MAPK8: variants seen among roughly 807,000 people sequenced by gnomAD.
The protein encoded by MAPK8 is mitogen-activated protein kinase 8.
A neutral mutation model predicts 52.9 loss-of-function variants in MAPK8; 13 were observed. The ratio of observed to expected loss-of-function variants is 0.25; its 90% confidence interval spans 0.16 to 0.39. MAPK8 has a LOEUF of 0.39. Among genes scored for constraint, MAPK8 ranks in the 10% least tolerant of loss-of-function variants. MAPK8 has a pLI of 1.00. For synonymous variants in MAPK8, 191 were observed against 169.8 expected (o/e 1.12, Z -0.97); for missense variants, 300 against 519.2 (o/e 0.58, Z 4.10).
At chr10:48,420,052 C>A in intron 5 of MAPK8, 103 bp from the exon 6 acceptor site, 2 of 847,932 alleles carry the variant, frequency 2.4e-6, no homozygotes, top group Non-Finnish European at 3.6e-6. Context: ...GAAAAACGAA[C>A]AATTAACATG....
At chr10:48,405,148 A>G (rs990971130) in intron 3 of MAPK8, among the ~76,000 whole-genome samples, 167 bp downstream of exon 3, 1 of 150,376 alleles carries the variant, frequency 6.6e-6, no homozygotes, top group Non-Finnish European at 1.5e-5. Context: ...GATTTTCCTC[A>G]ACTTTATTAA....
chr10:48,412,379 T>G (rs1362833599), intron 5 of MAPK8, among the ~76,000 whole-genome samples: 2 of 152,224 alleles, frequency 1.3e-5, no homozygotes, highest in Non-Finnish European at 2.9e-5. Flanking sequence ...ATATGTAGAT[T>G]CATGTCTTTT....
At chr10:48,404,692 G>T (rs1310582709) in intron 2 of MAPK8, among the ~76,000 whole-genome samples, 160 bp from the exon 3 acceptor site, 1 of 152,138 alleles carries the variant, frequency 6.6e-6, no homozygotes, top group Non-Finnish European at 1.5e-5. Context: ...AATATATGTT[G>T]TAATAGATAT....
chr10:48,344,116 A>G (rs1845547246), intron 1 of MAPK8, among the ~76,000 whole-genome samples: 1 of 152,234 alleles, frequency 6.6e-6, no homozygotes, highest in Non-Finnish European at 1.5e-5. Flanking sequence ...GTAAAATAGA[A>G]CAATATCAGA....
chr10:48,358,405 C>T (rs1197861256), intron 1 of MAPK8, among the ~76,000 whole-genome samples: 2 of 152,030 alleles, frequency 1.3e-5, no homozygotes, highest in Non-Finnish European at 2.9e-5. Context: ...TTGTATTTGC[C>T]TCATGGGGTA....
At chr10:48,354,553 G>A (rs1183088252) in intron 1 of MAPK8, among the ~76,000 whole-genome samples, 2 of 152,142 alleles carry the variant, frequency 1.3e-5, no homozygotes, top group Admixed American at 1.3e-4. Context: ...AAAGATTGCT[G>A]GGCAACATCC....
intron 1 of MAPK8, among the ~76,000 whole-genome samples, chr10:48,372,863 C>G (rs1806358941): frequency 6.6e-6 from 1 of 152,064 alleles, no homozygotes; most frequent in Admixed American, 6.6e-5. Flanking sequence ...CAGCAACATT[C>G]AAATTCAGGA....
intron 7 of MAPK8, among the ~76,000 whole-genome samples, chr10:48,424,903 A>G (rs935001120): frequency 1.2e-4 from 19 of 152,028 alleles, no homozygotes; most frequent in Non-Finnish European, 5.9e-5. Flanking sequence ...ACAACTTAAT[A>G]TGAATTTTGG....
chr10:48,372,891 C>T (rs1439803830), intron 1 of MAPK8, among the ~76,000 whole-genome samples: 4 of 152,044 alleles, frequency 2.6e-5, no homozygotes, highest in Admixed American at 2.0e-4. Context: ...GAGAACACCA[C>T]AAAGATATTC....
chr10:48,325,195 C>T (rs548821742), intron 1 of MAPK8, among the ~76,000 whole-genome samples: 45 of 152,164 alleles, frequency 3.0e-4, no homozygotes, highest in Middle Eastern at 3.4e-3. Context: ...AGGCTGGTCT[C>T]GAACTCCTGA....
At chr10:48,355,672 A>G (rs536922076) in intron 1 of MAPK8, among the ~76,000 whole-genome samples, 69 of 152,348 alleles carry the variant, frequency 4.5e-4, no homozygotes, top group African/African-American at 1.5e-3. Flanking sequence ...ATTTATCTGA[A>G]TGGTTTTCTG....
chr10:48,403,168 A>C lies in MAPK8; in HGVS notation c.122+1386A>C, dbSNP rs112412607. ...ATAATATTATATTTCTTTCTAAAAA[A>C]TTCAGAGCAAGCCGGGCGCGGTGGC... is the stretch of plus-strand genomic sequence containing the variant. On this transcript the variant is annotated intron_variant, in intron 2 of 11. Coordinates refer to ENST00000374189, the MANE Select transcript of MAPK8 (RefSeq NM_001323329.2). Among the ~76,000 whole-genome samples, 762 of 152,344 alleles carry C rather than the reference A, an allele frequency of 5.0e-3. 6 individuals carry two copies. The highest frequency in any genetic ancestry group is 0.017 in the African/African-American group (701 of 41,582).
At chr10:48,316,150 C>T (rs893279915) in intron 1 of MAPK8, among the ~76,000 whole-genome samples, 25 of 152,312 alleles carry the variant, frequency 1.6e-4, no homozygotes, top group African/African-American at 5.8e-4. Context: ...CAGTCATGCA[C>T]CACATGGTGA....
chr10:48,333,072 T>G (rs1469778508), intron 1 of MAPK8, among the ~76,000 whole-genome samples: 2 of 152,212 alleles, frequency 1.3e-5, no homozygotes, highest in African/African-American at 4.8e-5. Context: ...CCTTATCTCA[T>G]CATGTAGTAG....
At chr10:48,423,987 G>T in intron 6 of MAPK8, 101 bp from the exon 7 acceptor site, 2 of 677,666 alleles carry the variant, frequency 3.0e-6, no homozygotes, top group Non-Finnish European at 4.8e-6. Context: ...TTTTCTTTTC[G>T]TGACGTTTTG....
At chr10:48,332,802 C>T (rs777171544) in intron 1 of MAPK8, among the ~76,000 whole-genome samples, 1 of 152,180 alleles carries the variant, frequency 6.6e-6, no homozygotes, top group Non-Finnish European at 1.5e-5. Flanking sequence ...TTTATTAGGC[C>T]CCACTCTGTC....
At chr10:48,426,971 C>G in intron 9 of MAPK8, 109 bp from the exon 10 acceptor site, 6 of 751,556 alleles carry the variant, frequency 8.0e-6, no homozygotes. Context: ...CAGTCTTGAT[C>G]TAATGATATA....
intron 1 of MAPK8, among the ~76,000 whole-genome samples, chr10:48,376,386 A>G (rs1006924517): frequency 6.6e-6 from 1 of 152,248 alleles, no homozygotes; most frequent in African/African-American, 2.4e-5. Flanking sequence ...AAATTGATAA[A>G]TGGTATCTGA....
intron 1 of MAPK8, among the ~76,000 whole-genome samples, chr10:48,350,646 C>T (rs577418606): frequency 2.2e-4 from 33 of 152,226 alleles, no homozygotes; most frequent in African/African-American, 7.9e-4. Context: ...TATGACAAAC[C>T]CACAGCCAAT....
Sources: gnomAD v4.1 joint callset for allele counts (sites outside exome capture counted in the v4.1 genomes callset) on GRCh38, gnomAD v4.1.1 for gene constraint, MANE v1.5 for transcripts, NCBI Gene and HGNC (gene_info 2026-07-23, HGNC 2026-07-21) for gene names.